LRMDA: variants seen among roughly 807,000 people sequenced by gnomAD.
LRMDA encodes leucine-rich melanocyte differentiation-associated protein.
A neutral mutation model predicts 29.8 loss-of-function variants in LRMDA; 18 were observed. That is an observed-to-expected ratio of 0.60 (90% CI 0.42 to 0.90). LRMDA has a LOEUF of 0.90. Ranked by LOEUF, LRMDA falls within the 40% of genes least tolerant of loss-of-function variation. The probability of loss-of-function intolerance (pLI) is 0.00; values close to 1 mark genes in which losing one functional copy is unlikely to be tolerated. For synonymous variants in LRMDA, 125 were observed against 109.4 expected, an observed-to-expected ratio of 1.14 and a Z score of -0.89; for missense variants, 273 against 273.9, an observed-to-expected ratio of 1.00 and a Z score of 0.02.
At chr10:76,344,833 GA>G (rs1841082797) in intron 6 of LRMDA, among the ~76,000 whole-genome samples, 1 of 149,338 alleles carries the variant, frequency 6.7e-6, no homozygotes, top group African/African-American at 2.5e-5. Flanking sequence ...TAGGTATTTG[GA>G]AAAAAATTTA....
intron 2 of LRMDA, among the ~76,000 whole-genome samples, chr10:75,853,094 C>T (rs985992598): frequency 5.9e-5 from 9 of 152,176 alleles, no homozygotes; most frequent in African/African-American, 1.9e-4. Context: ...CCTCATGATT[C>T]GATTACCTCC....
intron 2 of LRMDA, among the ~76,000 whole-genome samples, chr10:75,961,110 A>G (rs191427560): frequency 1.3e-4 from 20 of 152,300 alleles, no homozygotes; most frequent in African/African-American, 4.8e-4. Flanking sequence ...TCTCTCTCCC[A>G]TATCTTTTCT....
Position 76,559,938 on chromosome 10 carries a change from A to T in LRMDA, c.*2650A>T, listed in dbSNP as rs983931013. 3 of 152,218 alleles carry T rather than the reference A, an allele frequency of 2.0e-5. No homozygotes were observed. The highest frequency in any genetic ancestry group is 7.2e-5 in the African/African-American group (3 of 41,452). 9.4% of individuals were successfully genotyped at this position (152,218 alleles called of 1,614,324 possible). On this transcript the variant is annotated 3_prime_UTR_variant, in exon 7 of 7. Transcript: ENST00000611255. The stretch of plus-strand genomic sequence containing the variant: ...CTAAGTAACATAATTTTAAAGAACA[A>T]TTTGTTCCTCAGGGAATAATGTCTT...
chr10:75,441,054 G>T (rs1844321563), intron 2 of LRMDA, among the ~76,000 whole-genome samples: 1 of 151,786 alleles, frequency 6.6e-6, no homozygotes, highest in African/African-American at 2.4e-5. Context: ...AAGAAAGAAA[G>T]AGAAAAAAGA....
At chr10:76,406,395 T>C (rs1841902062) in intron 6 of LRMDA, among the ~76,000 whole-genome samples, 1 of 152,244 alleles carries the variant, frequency 6.6e-6, no homozygotes, top group South Asian at 2.1e-4. Context: ...TCTTATACTC[T>C]AAATACATGG....
intron 2 of LRMDA, among the ~76,000 whole-genome samples, chr10:75,846,163 ATTTGTGTGTGTG>A (rs1443568305): frequency 7.7e-5 from 9 of 117,254 alleles, no homozygotes; most frequent in African/African-American, 2.7e-4. Flanking sequence ...TTTGTTACTT[ATTTGTGTGTGTG>A]TTTGTGTGTG....
intron 2 of LRMDA, among the ~76,000 whole-genome samples, chr10:75,916,416 C>CT (rs1395478171): frequency 6.6e-6 from 1 of 152,050 alleles, no homozygotes; most frequent in African/African-American, 2.4e-5. Flanking sequence ...GTGAGGCAGC[C>CT]CCTACCTGGA....
chr10:76,172,841 G>A (rs1850863033), intron 5 of LRMDA, among the ~76,000 whole-genome samples: 1 of 152,058 alleles, frequency 6.6e-6, no homozygotes, highest in African/African-American at 2.4e-5. Flanking sequence ...CTTTGTCCCA[G>A]AAATAAAACA....
intron 6 of LRMDA, among the ~76,000 whole-genome samples, chr10:76,407,809 T>C (rs79754137): frequency 0.018 from 2,722 of 152,342 alleles, 88 homozygotes; most frequent in African/African-American, 0.061. Context: ...TTCATTTAAC[T>C]ACACTTAATA....
chr10:76,049,406 G>A (rs1209946088), intron 4 of LRMDA, among the ~76,000 whole-genome samples: 3 of 152,200 alleles, frequency 2.0e-5, no homozygotes, highest in African/African-American at 7.2e-5. Flanking sequence ...CAGGGACTAG[G>A]AACAGCACAA....
intron 6 of LRMDA, among the ~76,000 whole-genome samples, chr10:76,411,436 A>G (rs1460409519): frequency 2.0e-5 from 3 of 152,218 alleles, no homozygotes; most frequent in Non-Finnish European, 2.9e-5. Flanking sequence ...GGATGATTAT[A>G]TACACCTTAC....
At chr10:75,926,283 G>A (rs755773548) in intron 2 of LRMDA, among the ~76,000 whole-genome samples, 3 of 152,176 alleles carry the variant, frequency 2.0e-5, no homozygotes, top group African/African-American at 2.4e-5. Context: ...TGTGTTAGCC[G>A]AGTAAAAAGT....
chr10:76,276,006 A>AATCTATCT (rs3066426), intron 5 of LRMDA, among the ~76,000 whole-genome samples: 7,665 of 146,746 alleles, frequency 0.052, 217 homozygotes, highest in East Asian at 0.063. Flanking sequence ...CAATCTAGTG[A>AATCTATCT]ATCTATCTAT....
chr10:75,509,474 A>T (rs899775507), intron 2 of LRMDA, among the ~76,000 whole-genome samples: 4 of 152,200 alleles, frequency 2.6e-5, no homozygotes, highest in African/African-American at 7.2e-5. Context: ...GAAAGACTTT[A>T]AGACTGTGGC....
intron 2 of LRMDA, among the ~76,000 whole-genome samples, chr10:76,029,715 C>T (rs1438657048): frequency 6.6e-6 from 1 of 152,106 alleles, no homozygotes; most frequent in Non-Finnish European, 1.5e-5. Flanking sequence ...AGATATGGTG[C>T]AGGGGGCTTC....
intron 2 of LRMDA, among the ~76,000 whole-genome samples, chr10:75,943,231 G>A (rs1216625415): frequency 6.6e-6 from 1 of 151,214 alleles, no homozygotes; most frequent in Non-Finnish European, 1.5e-5. Context: ...ACTGCTTTGA[G>A]GATTATACCT....
intron 2 of LRMDA, among the ~76,000 whole-genome samples, chr10:75,474,766 C>T (rs1056633796): frequency 7.9e-5 from 12 of 152,158 alleles, no homozygotes; most frequent in Non-Finnish European, 1.5e-4. Context: ...CTGGCCCCTT[C>T]AGTGGGTTGT....
chr10:75,705,532 G>A (rs929287805), intron 2 of LRMDA, among the ~76,000 whole-genome samples: 9 of 152,212 alleles, frequency 5.9e-5, no homozygotes, highest in African/African-American at 2.2e-4. Context: ...CCCTCAGACT[G>A]GAGAAAGGAG....
At chr10:76,110,751 T>G (rs966123808) in intron 5 of LRMDA, among the ~76,000 whole-genome samples, 1 of 152,224 alleles carries the variant, frequency 6.6e-6, no homozygotes, top group African/African-American at 2.4e-5. Flanking sequence ...CCCACCATGA[T>G]TCTGAGGCCT....
Sources: gnomAD v4.1 joint callset for allele counts (sites outside exome capture counted in the v4.1 genomes callset) on GRCh38, gnomAD v4.1.1 for gene constraint, MANE v1.5 for transcripts, NCBI Gene and HGNC (gene_info 2026-07-23, HGNC 2026-07-21) for gene names.